The following CASKIN1 variants were observed in gnomAD, a reference collection of about 807,000 sequenced individuals.
The protein encoded by CASKIN1 is caskin-1.
CASKIN1 carries 42 observed loss-of-function variants against 117.5 expected under a neutral mutation model. The observed-to-expected ratio is 0.36, with a 90% CI of 0.28 to 0.46. The LOEUF is 0.46. Among genes scored for constraint, CASKIN1 ranks in the 20% least tolerant of loss-of-function variants. The probability of loss-of-function intolerance (pLI) is 1.00; values close to 1 mark genes in which losing one functional copy is unlikely to be tolerated. For missense variants in CASKIN1, 2,083 were observed against 2,077.3 expected, an observed-to-expected ratio of 1.00 and a Z score of -0.05; for synonymous variants, 1,148 against 961.7, an observed-to-expected ratio of 1.19 and a Z score of -3.59.
intron 1 of CASKIN1, among the ~76,000 whole-genome samples, chr16:2,194,401 C>T (rs896855554): frequency 2.2e-4 from 34 of 152,056 alleles, no homozygotes; most frequent in African/African-American, 7.7e-4. Flanking sequence ...CAGGGCAGGG[C>T]GAGTCGGGGG....
Position 2,183,818 on chromosome 16 carries a change from A to G in CASKIN1, c.1527+13T>C, listed in dbSNP as rs992813514. ...GGGACGCAGCTGGCGCTGGCGGCGC[A>G]TGGAAAGCTCACCTCGGGAGTCATG... On this transcript the variant is annotated intron_variant, in intron 15 of 19. Coordinates refer to ENST00000343516, the MANE Select transcript of CASKIN1 (RefSeq NM_020764.4). 15 of 1,612,042 alleles carry G rather than the reference A, an allele frequency of 9.3e-6. No homozygotes were observed. In the African/African-American group the frequency reaches 1.6e-4, roughly 17 times the overall value.
rs1335634185 is a variant in CASKIN1 at position 2,178,539 on chromosome 16, C to T, written c.*11G>A. On this transcript the variant is annotated 3_prime_UTR_variant, in exon 20 of 20. Transcript: ENST00000343516. ...GCCCGGGCGGCGCGGGAGGGCCCGG[C>T]CAGGCGGCGTTCACTCCAGCATGGC... The T allele has an allele frequency of 6.4e-6, 10 of 1,568,976 alleles. No individual in the cohort carries two copies. The Admixed American group carries it at 1.6e-4, about 25-fold the overall frequency.
rs780949054 is a variant in CASKIN1, at chr16:2,187,289, G to A, written c.727-15C>T. Reference sequence around the variant, plus strand: ...TTGATCCCGCTCTGCACATGTGAGAGATGAGGCTCTGTCAGGAGCCCCTAC... The same window carrying A: ...TTGATCCCGCTCTGCACATGTGAGAAATGAGGCTCTGTCAGGAGCCCCTAC... On this transcript the variant is annotated splice_polypyrimidine_tract_variant and intron_variant, in intron 7 of 19. Coordinates refer to ENST00000343516, the MANE Select transcript of CASKIN1 (RefSeq NM_020764.4). The A allele has an allele frequency of 1.9e-6, 3 of 1,613,912 alleles. No homozygotes were observed. The highest frequency in any genetic ancestry group is 1.7e-5 in the Admixed American group (1 of 60,030).
chr16:2,195,918 G>T lies in CASKIN1; in HGVS notation c.94+421C>A, dbSNP rs929483621. 3.9e-5 allele frequency among the ~76,000 whole-genome samples: 6 copies of T among 152,188 alleles called. 1 individual carries two copies. The East Asian group carries it at 1.2e-3, about 30-fold the overall frequency. ...GGTCTGCTAGGGACTGTCACCTCCC[G>T]GGTCGCCCCTCGCCGCAGGGGCCCC... On this transcript the variant is annotated intron_variant, in intron 1 of 19. Coordinates refer to ENST00000343516, the MANE Select transcript of CASKIN1 (RefSeq NM_020764.4).
intron 1 of CASKIN1, among the ~76,000 whole-genome samples, chr16:2,190,706 G>A (rs1269546864): frequency 6.6e-6 from 1 of 152,188 alleles, no homozygotes; most frequent in Non-Finnish European, 1.5e-5. Flanking sequence ...TCGGGACACT[G>A]GCTGAGCACC....
rs1212797384 is a variant in CASKIN1 at position 2,179,703 on chromosome 16, G to A, written c.3665C>T (p.Ala1222Val). The change falls in exon 18 of 20, where the codon GCC becomes GTC. Residue 1222 changes from alanine (A) to valine (V), a missense_variant. Transcript: ENST00000343516. The surrounding 1 kb of genome is among the most constrained non-coding windows in gnomAD (Gnocchi z 5.8). ...GGGCTTGGGAGAGACAGGCGGCTTG[G>A]CCGGCTTCCGGGCTTCGCCCTCGGG... ...PPPEGEARKP[A>V]KPPVSPKPVL... 1 of 1,523,506 alleles carries A rather than the reference G, an allele frequency of 6.6e-7. No individual in the cohort carries two copies. Among genetic ancestry groups the A allele is most frequent in the South Asian group, 1.3e-5 (1 of 78,068 alleles). 94.4% of individuals were successfully genotyped at this position (1,523,506 alleles called of 1,614,324 possible).
chr16:2,189,166 A>AG lies in CASKIN1; in HGVS notation c.487-10dup. On this transcript the variant is annotated splice_polypyrimidine_tract_variant and intron_variant, in intron 5 of 19. Transcript: ENST00000343516. Reference sequence around the variant, plus strand: ...AGGAGCAGCTGGACCACCTTGAAGGAGGGGTCAGGGTAGGGGGGTCCTGAT... The same window carrying AG: ...AGGAGCAGCTGGACCACCTTGAAGGAGGGGGTCAGGGTAGGGGGGTCCTGAT... 1 of 1,612,380 alleles carries AG rather than the reference A, an allele frequency of 6.2e-7. No homozygotes were observed. The highest frequency in any genetic ancestry group is 8.5e-7 in the Non-Finnish European group (1 of 1,179,406).
Position 2,178,199 on chromosome 16 carries a change from G to C in CASKIN1, c.*351C>G, listed in dbSNP as rs556736415. ...CCTGTCCCTTGTGCTGCGCCCGAGC[G>C]GCTGGCCGGGCGTCCCGATGGGCAG... is the stretch of plus-strand genomic sequence containing the variant. On this transcript the variant is annotated 3_prime_UTR_variant, in exon 20 of 20. Transcript: ENST00000343516. 4.6e-6 allele frequency: 2 copies of C among 439,474 alleles called. No individual in the cohort carries two copies. Among genetic ancestry groups the C allele is most frequent in the South Asian group, 1.9e-5 (1 of 53,404 alleles). 27.2% of individuals were successfully genotyped at this position (439,474 alleles called of 1,614,324 possible).
In CASKIN1 at chr16:2,178,341, C is replaced by G; in HGVS notation, c.*209G>C. 8.9e-6 allele frequency: 4 copies of G among 451,562 alleles called. No individual in the cohort carries two copies. The highest frequency in any genetic ancestry group is 1.2e-5 in the Non-Finnish European group (3 of 254,284). The allele number at this position is 451,562 out of a possible 1,614,324, so 28.0% of individuals were successfully genotyped here. A position where few individuals can be genotyped will look rare whatever the true frequency, so the allele number is the denominator to read the frequency against. On this transcript the variant is annotated 3_prime_UTR_variant, in exon 20 of 20. Transcript: ENST00000343516. ...CACGGGGAGCAGCAGGTGGGGAGGA[C>G]CCGCGGGCGCAGGGTCTGCCTAGAG...
At position 2,180,857 on chromosome 16, in the gene CASKIN1, G is replaced by T; in HGVS notation, c.2511C>A (p.Pro837=). Residue 837 remains proline (P), a synonymous_variant, in exon 18 of 20, where the codon CCC becomes CCA. Transcript: ENST00000343516. ...GCCCCACCTCGCCCTCCACGGGCTG[G>T]GGCAGCACGTAGGCAAAGCCGCGGT... The part of the protein sequence containing the change: ...PTHRGFAYVL[P]QPVEGEVGPA... 7.1e-7 allele frequency: 1 copy of T among 1,411,028 alleles called. No individual in the cohort carries two copies. Among genetic ancestry groups the T allele is most frequent in the Admixed American group, 3.4e-5 (1 of 29,544 alleles). 87.4% of individuals were successfully genotyped at this position (1,411,028 alleles called of 1,614,324 possible). A position where few individuals can be genotyped will look rare whatever the true frequency, so the allele number is the denominator to read the frequency against.
intron 1 of CASKIN1, among the ~76,000 whole-genome samples, chr16:2,192,680 G>A (rs192589593): frequency 6.6e-6 from 1 of 152,166 alleles, no homozygotes; most frequent in East Asian, 1.9e-4. Context: ...CCCATCCGAA[G>A]TGACCCTGCC....
rs1218805895 is a variant in CASKIN1, at chr16:2,183,898, T to G, written c.1460A>C (p.Gln487Pro). 6.2e-7 allele frequency: 1 copy of G among 1,611,134 alleles called. No individual in the cohort carries two copies. Among genetic ancestry groups the G allele is most frequent in the East Asian group, 2.2e-5 (1 of 44,840 alleles). The change falls in exon 15 of 20, where the codon CAG (glutamine) becomes CCG (proline). Residue 487 changes from glutamine to proline, a missense_variant. Around this residue, in one of 3 missense-constraint regions of CASKIN1, gnomAD observed 1,818 missense variants for 1,688.9 expected, o/e 1.08. Transcript: ENST00000343516. ...VSQWLTAFQL[Q>P]LYAPNFISAG... ...GCTGATGAAGTTGGGGGCGTAGAGC[T>G]GCAGCTGGAACGCGGTGAGCCACTG...
chr16:2,189,346 G>A lies in CASKIN1; in HGVS notation c.391-13C>T. The A allele has an allele frequency of 6.2e-7, 1 of 1,612,658 alleles. No individual in the cohort carries two copies. Among genetic ancestry groups the A allele is most frequent in the Non-Finnish European group, 8.5e-7 (1 of 1,179,840 alleles). ...GCAGCATCTCAGACTGGGGGCCAAG[G>A]GCGCAGTCAGGTCCGCACATCCTCA... On this transcript the variant is annotated splice_polypyrimidine_tract_variant and intron_variant, in intron 4 of 19. Coordinates refer to ENST00000343516, the MANE Select transcript of CASKIN1 (RefSeq NM_020764.4).
chr16:2,196,514 C>A lies in CASKIN1; in HGVS notation c.-82G>T. The A allele has an allele frequency of 1.9e-6, 1 of 522,294 alleles. No homozygotes were observed. Among genetic ancestry groups the A allele is most frequent in the Non-Finnish European group, 2.4e-6 (1 of 410,556 alleles). 32.4% of individuals were successfully genotyped at this position (522,294 alleles called of 1,614,324 possible). A position where few individuals can be genotyped will look rare whatever the true frequency, so the allele number is the denominator to read the frequency against. On this transcript the variant is annotated 5_prime_UTR_variant, in exon 1 of 20. Coordinates refer to ENST00000343516, the MANE Select transcript of CASKIN1 (RefSeq NM_020764.4). The surrounding 1 kb of genome is among the most constrained non-coding windows in gnomAD (Gnocchi z 5.7). The stretch of plus-strand genomic sequence containing the variant: ...GGCGGCGGCGGCCCCGCGGCACCGG[C>A]CGCCTCCCCCGCCGCCTCCCCCGCC...
intron 1 of CASKIN1, among the ~76,000 whole-genome samples, chr16:2,191,649 G>A (rs899033111): frequency 2.6e-5 from 4 of 152,348 alleles, no homozygotes; most frequent in South Asian, 2.1e-4. Flanking sequence ...AAGCAAAGTC[G>A]TCTCCAGCCT....
In CASKIN1 at chr16:2,184,765, C is replaced by CG. The variant is rs2093178730; in HGVS notation, c.1416+11_1416+12insC. 3.3e-6 allele frequency: 5 copies of CG among 1,501,128 alleles called. No homozygotes were observed. Among genetic ancestry groups the CG allele is most frequent in the Middle Eastern group, 2.1e-4 (1 of 4,830 alleles). 93.0% of individuals were successfully genotyped at this position (1,501,128 alleles called of 1,614,324 possible). On this transcript the variant is annotated intron_variant, in intron 14 of 19. Coordinates refer to ENST00000343516, the MANE Select transcript of CASKIN1 (RefSeq NM_020764.4). ...CCGGAGCCCACGCTGAGAACACCCC[C>CG]AAGCCCTGTACCTTGCCCTCCGATG...
At position 2,182,332 on chromosome 16, in the gene CASKIN1, CA is replaced by C. The variant is rs2093170734; in HGVS notation, c.1630-404del. Among the ~76,000 whole-genome samples, 1 of 152,128 alleles carries C rather than the reference CA, an allele frequency of 6.6e-6. No homozygotes were observed. The highest frequency in any genetic ancestry group is 2.1e-4 in the South Asian group (1 of 4,820). On this transcript the variant is annotated intron_variant, in intron 16 of 19. Coordinates refer to ENST00000343516, the MANE Select transcript of CASKIN1 (RefSeq NM_020764.4). This position sits in a 1 kb window ranked among gnomAD's most constrained non-coding sequence, Gnocchi z 4.1. ...TGCACGCTGCGCTCCCAGCCGTGCA[CA>C]GGCACCAGCACCCCATCCCGTTTCA... is the stretch of plus-strand genomic sequence containing the variant.
Position 2,178,656 on chromosome 16 carries a change from G to C in CASKIN1, c.4200-10C>G. The C allele has an allele frequency of 6.3e-7, 1 of 1,584,090 alleles. No homozygotes were observed. Among genetic ancestry groups the C allele is most frequent in the South Asian group, 1.1e-5 (1 of 89,042 alleles). On this transcript the variant is annotated splice_polypyrimidine_tract_variant and intron_variant, in intron 19 of 19. Transcript: ENST00000343516. ...TTCCGCCGCCGAGTCGCTGCGGGGC[G>C]CGGGGCAAGGGGCGTGAGTGGGCGG...
chr16:2,195,978 G>A (rs1274894645), intron 1 of CASKIN1, among the ~76,000 whole-genome samples: 3 of 151,926 alleles, frequency 2.0e-5, no homozygotes, highest in African/African-American at 7.2e-5. Flanking sequence ...GTGGGTGGGG[G>A]GGGCATCCGC....
Sources: allele counts gnomAD v4.1 joint callset (sites outside exome capture counted in the v4.1 genomes callset), GRCh38; gene constraint gnomAD v4.1.1; regional missense constraint gnomAD v4.1.1; non-coding constraint Gnocchi (gnomAD v3.1); transcripts MANE v1.5; gene names NCBI Gene and HGNC (gene_info 2026-07-23, HGNC 2026-07-21).